The following ZNF330 variants were observed in gnomAD, a reference collection of about 807,000 sequenced individuals.
ZNF330 encodes the protein zinc finger protein 330.
In ZNF330, 31 loss-of-function variants were observed where a neutral mutation model predicts 45.5. That is an observed-to-expected ratio of 0.68 (90% CI 0.51 to 0.92). ZNF330 has a LOEUF of 0.92. ZNF330 is among the 40% of genes least tolerant of loss of function. The pLI, the probability that ZNF330 is intolerant of heterozygous loss-of-function variation, is 0.00. For synonymous variants in ZNF330, 138 were observed against 123.2 expected (o/e 1.12, Z -0.79); for missense variants, 356 against 387.4 (o/e 0.92, Z 0.68).
chr4:141,225,621 G>C (rs60060387), intron 4 of ZNF330, among the ~76,000 whole-genome samples: 4,974 of 152,080 alleles, frequency 0.033, 268 homozygotes, highest in African/African-American at 0.11. Context: ...AGTTAGTAGT[G>C]TTTAGGGCTA....
In ZNF330 at chr4:141,234,254, A is replaced by G. The variant is rs569783356; in HGVS notation, c.*265A>G. 1.9e-5 allele frequency: 8 copies of G among 423,566 alleles called. No individual in the cohort carries two copies. Among genetic ancestry groups the G allele is most frequent in the African/African-American group, 1.2e-4 (6 of 49,088 alleles). 26.2% of individuals were successfully genotyped at this position (423,566 alleles called of 1,614,324 possible). On this transcript the variant is annotated 3_prime_UTR_variant, in exon 10 of 10. Coordinates refer to ENST00000262990, the MANE Select transcript of ZNF330 (RefSeq NM_014487.6). ...GGATTGGATTGTTACTGATTTCAGT[A>G]AAGTATGTTTTGCCAATTAGATACA...
rs760603259 is a variant in ZNF330 at position 141,229,647 on chromosome 4, C to T, written c.368C>T (p.Pro123Leu). 1 of 1,613,178 alleles carries T rather than the reference C, an allele frequency of 6.2e-7. No homozygotes were observed. Among genetic ancestry groups the T allele is most frequent in the South Asian group, 1.1e-5 (1 of 91,056 alleles). Residue 123 changes from proline to leucine, a missense_variant, in exon 6 of 10, where the codon CCT (proline) becomes CTT (leucine). Pro to Leu is a moderately conservative substitution (Grantham distance 98). Transcript: ENST00000262990. Reference sequence around the variant, plus strand: ...CTCAGTACACATGCTTGTGCCTGCCCTCTTACCGATGCTGAGTGTGTTGAA... The same window carrying T: ...CTCAGTACACATGCTTGTGCCTGCCTTCTTACCGATGCTGAGTGTGTTGAA... ...KCLSTHACAC[P>L]LTDAECVECE...
At chr4:141,226,707 C>T (rs771653527) in intron 4 of ZNF330, 60 bp from the exon 5 acceptor site, 166 of 1,319,228 alleles carry the variant, frequency 1.3e-4, no homozygotes, top group Non-Finnish European at 1.7e-4. Context: ...AGGAGGAATT[C>T]GTGAGTACTG....
At chr4:141,233,080 G>A (rs181856069) in intron 9 of ZNF330, among the ~76,000 whole-genome samples, 254 of 152,150 alleles carry the variant, frequency 1.7e-3, no homozygotes, top group Admixed American at 3.2e-3. Flanking sequence ...CACTACTATA[G>A]GAAATTATTT....
chr4:141,224,961 A>G (rs1372479787), intron 4 of ZNF330, among the ~76,000 whole-genome samples: 2 of 152,110 alleles, frequency 1.3e-5, no homozygotes, highest in Non-Finnish European at 2.9e-5. Flanking sequence ...CAGACATAAC[A>G]TTTGGTGATC....
Position 141,233,960 on chromosome 4 carries a change from T to A in ZNF330, c.934T>A (p.Tyr312Asn), listed in dbSNP as rs1248459630. The A allele has an allele frequency of 1.2e-6, 2 of 1,613,392 alleles. No homozygotes were observed. Reference protein sequence around the residue: ...LNLGRTYASGYAHYEEQEN With the variant: ...LNLGRTYASGNAHYEEQEN ...TTTAGGAAGGACCTATGCTAGTGGC[T>A]ATGCTCACTATGAGGAACAAGAGAA... Residue 312 changes from tyrosine to asparagine, a missense_variant, in exon 10 of 10, where the codon TAT becomes AAT. Coordinates refer to ENST00000262990, the MANE Select transcript of ZNF330 (RefSeq NM_014487.6).
In ZNF330 at chr4:141,234,034, G is replaced by T. The variant is rs768887933; in HGVS notation, c.*45G>T. ...GTGTGTGAGAGGAGCAGGAGTGAGT[G>T]TGTGTGCTTGATGAATTGTGTGTGG... On this transcript the variant is annotated 3_prime_UTR_variant, in exon 10 of 10. Coordinates refer to ENST00000262990, the MANE Select transcript of ZNF330 (RefSeq NM_014487.6). 2 of 1,564,210 alleles carry T rather than the reference G, an allele frequency of 1.3e-6. No homozygotes were observed. The highest frequency in any genetic ancestry group is 1.2e-5 in the South Asian group (1 of 82,428).
chr4:141,229,320 G>T (rs924386795), intron 5 of ZNF330, among the ~76,000 whole-genome samples: 1 of 152,050 alleles, frequency 6.6e-6, no homozygotes, highest in African/African-American at 2.4e-5. Context: ...TAAGTGTACA[G>T]TTTACCTTTT....
rs1728982699 is a variant in ZNF330 at position 141,232,525 on chromosome 4, G to C, written c.571G>C (p.Ala191Pro). 1 of 1,547,696 alleles carries C rather than the reference G, an allele frequency of 6.5e-7. No homozygotes were observed. The highest frequency in any genetic ancestry group is 8.7e-7 in the Non-Finnish European group (1 of 1,147,390). ...LGQHSCLRCKACFCDDHTRSK... is the reference protein window; with the variant it reads ...LGQHSCLRCKPCFCDDHTRSK... ...ACTTTATTTTGCTTCTCCTATACAGGCTTGTTTCTGTGATGATCATACAAG... is the reference window on the plus strand; with the variant it reads ...ACTTTATTTTGCTTCTCCTATACAGCCTTGTTTCTGTGATGATCATACAAG... Residue 191 changes from alanine (A) to proline (P), a missense_variant and splice_region_variant, in exon 9 of 10, where the codon GCT (alanine) becomes CCT (proline). Coordinates refer to ENST00000262990, the MANE Select transcript of ZNF330 (RefSeq NM_014487.6).
intron 6 of ZNF330, 42 bp from the exon 7 acceptor site, chr4:141,230,124 A>G (rs749936312): frequency 7.1e-7 from 1 of 1,408,390 alleles, no homozygotes; most frequent in Non-Finnish European, 9.9e-7. Flanking sequence ...TTTTTAAATT[A>G]AAGTTTATCT....
intron 4 of ZNF330, 97 bp downstream of exon 4, chr4:141,224,774 C>G: frequency 1.0e-6 from 1 of 985,290 alleles, no homozygotes. Flanking sequence ...ACAGTGCTTA[C>G]AATTGTTGAT....
chr4:141,230,133 C>A lies in ZNF330; in HGVS notation c.419-33C>A, dbSNP rs751924329. ...TGAGTTTTTTTAAATTAAAGTTTAT[C>A]TTAATTACATTTGTGTTTTTTTAAT... On this transcript the variant is annotated intron_variant, in intron 6 of 9. Coordinates refer to ENST00000262990, the MANE Select transcript of ZNF330 (RefSeq NM_014487.6). 3 of 1,441,686 alleles carry A rather than the reference C, an allele frequency of 2.1e-6. No homozygotes were observed. In the South Asian group the frequency reaches 3.6e-5, roughly 17 times the overall value. 89.3% of individuals were successfully genotyped at this position (1,441,686 alleles called of 1,614,324 possible). A position where few individuals can be genotyped will look rare whatever the true frequency, so the allele number is the denominator to read the frequency against.
At position 141,221,362 on chromosome 4, in the gene ZNF330, T is replaced by C. The variant is rs551062389; in HGVS notation, c.-7+254T>C. ...AAGGCTGAGAAGAAGATTCACTCTT[T>C]TGAGCGTGCAGAACAAACTGGAGGG... On this transcript the variant is annotated intron_variant, in intron 1 of 9. Transcript: ENST00000262990. 5.3e-5 allele frequency among the ~76,000 whole-genome samples: 8 copies of C among 152,364 alleles called. No individual in the cohort carries two copies. In the South Asian group the frequency reaches 1.7e-3, roughly 32 times the overall value.
At chr4:141,230,104 G>C (rs1728911665) in intron 6 of ZNF330, 62 bp from the exon 7 acceptor site, 1 of 1,183,240 alleles carries the variant, frequency 8.5e-7, no homozygotes, top group African/African-American at 1.5e-5. Flanking sequence ...CAGTATTATA[G>C]ATATGAGTTT....
rs1323404441 is a variant in ZNF330, at chr4:141,232,614, T to C, written c.660T>C (p.Thr220=). 1.9e-6 allele frequency: 3 copies of C among 1,589,526 alleles called. No homozygotes were observed. Among genetic ancestry groups the C allele is most frequent in the Non-Finnish European group, 2.6e-6 (3 of 1,168,140 alleles). ...QPPCPKCGHE[T]QETKDLSMST... ...CTTGTCCTAAATGTGGGCATGAAACTCAGGAGACTAAGGACCTTAGCATGT... is the reference window on the plus strand; with the variant it reads ...CTTGTCCTAAATGTGGGCATGAAACCCAGGAGACTAAGGACCTTAGCATGT... Residue 220 remains threonine, a synonymous_variant, in exon 9 of 10, where the codon ACT becomes ACC. Transcript: ENST00000262990.
At chr4:141,233,049 A>G (rs975227759) in intron 9 of ZNF330, among the ~76,000 whole-genome samples, 13 of 152,114 alleles carry the variant, frequency 8.5e-5, no homozygotes, top group African/African-American at 3.1e-4. Context: ...TTGAGCACCT[A>G]TGTTTATTTA....
chr4:141,230,111 G>GT lies in ZNF330; in HGVS notation c.419-48dup, dbSNP rs1728912401. The GT allele has an allele frequency of 2.2e-5, 29 of 1,319,116 alleles. No homozygotes were observed. The Middle Eastern group carries it at 7.5e-4, about 34-fold the overall frequency. 81.7% of individuals were successfully genotyped at this position (1,319,116 alleles called of 1,614,324 possible). A position where few individuals can be genotyped will look rare whatever the true frequency, so the allele number is the denominator to read the frequency against. On this transcript the variant is annotated intron_variant, in intron 6 of 9. Coordinates refer to ENST00000262990, the MANE Select transcript of ZNF330 (RefSeq NM_014487.6). ...CTTCTAAGCAGTATTATAGATATGAGTTTTTTTAAATTAAAGTTTATCTTA... is the reference window on the plus strand; with the variant it reads ...CTTCTAAGCAGTATTATAGATATGAGTTTTTTTTAAATTAAAGTTTATCTTA...
chr4:141,223,656 G>C, intron 2 of ZNF330: 2 of 444,226 alleles, frequency 4.5e-6, no homozygotes, highest in Non-Finnish European at 9.1e-6. Flanking sequence ...TGTCTTCTGT[G>C]TTTAAGAGTC....
intron 5 of ZNF330, among the ~76,000 whole-genome samples, chr4:141,227,842 T>G (rs1048993860): frequency 7.9e-5 from 12 of 152,262 alleles, no homozygotes; most frequent in African/African-American, 2.9e-4. Context: ...ACCTCTTCAT[T>G]ACATATAGGA....
Sources: gnomAD v4.1 joint callset for allele counts (sites outside exome capture counted in the v4.1 genomes callset) on GRCh38, gnomAD v4.1.1 for gene constraint, MANE v1.5 for transcripts, NCBI Gene and HGNC (gene_info 2026-07-23, HGNC 2026-07-21) for gene names.